The following RYR3 variants were observed in gnomAD, a reference collection of about 807,000 sequenced individuals.
RYR3 encodes ryanodine receptor 3.
A neutral mutation model predicts 584.3 loss-of-function variants in RYR3; 207 were observed. The observed-to-expected ratio is 0.35, with a 90% CI of 0.32 to 0.40. The LOEUF is 0.40. Among genes scored for constraint, RYR3 ranks in the 10% least tolerant of loss-of-function variants. The pLI, the probability that RYR3 is intolerant of heterozygous loss-of-function variation, is 1.00. For synonymous variants in RYR3, 2,416 were observed against 2,248.5 expected, an observed-to-expected ratio of 1.07 and a Z score of -2.11; for missense variants, 5,616 against 6,089.2, an observed-to-expected ratio of 0.92 and a Z score of 2.59.
chr15:33,451,538 C>G (rs1317785273), intron 1 of RYR3, among the ~76,000 whole-genome samples: 1 of 152,040 alleles, frequency 6.6e-6, no homozygotes, highest in Non-Finnish European at 1.5e-5. Flanking sequence ...GTTATGTTAA[C>G]TCCAGAATTA....
At chr15:33,576,657 T>C (rs559704372) in intron 12 of RYR3, among the ~76,000 whole-genome samples, 1 of 152,322 alleles carries the variant, frequency 6.6e-6, no homozygotes, top group South Asian at 2.1e-4. Context: ...ACAGTCAATA[T>C]CATACTGAAT....
rs573654952 is a variant in RYR3, at chr15:33,604,916, A to G, written c.2164+1552A>G. Among the ~76,000 whole-genome samples the G allele has an allele frequency of 8.5e-4, 129 of 152,222 alleles. 1 individual carries two copies. The highest frequency in any genetic ancestry group is 1.1e-3 in the Non-Finnish European group (77 of 68,036). On this transcript the variant is annotated intron_variant, in intron 18 of 103. Transcript: ENST00000634891. ...GAGTGTGGTAGGATTAAGTCTGTGA[A>G]GGAATTAACAAGACTGACTTGTAAA...
intron 93 of RYR3, among the ~76,000 whole-genome samples, chr15:33,846,244 C>T (rs1334043398): frequency 6.6e-6 from 1 of 152,202 alleles, no homozygotes; most frequent in African/African-American, 2.4e-5. Context: ...AGGTCTTAGG[C>T]CCAGAACTGG....
intron 89 of RYR3, 139 bp from the exon 90 acceptor site, chr15:33,840,686 T>G (rs552581956): frequency 2.7e-6 from 2 of 727,698 alleles, no homozygotes; most frequent in Non-Finnish European, 2.4e-6. Context: ...AGGACACTTA[T>G]GTTCAGTGAT....
intron 27 of RYR3, among the ~76,000 whole-genome samples, chr15:33,642,597 G>A (rs1033953362): frequency 8.5e-5 from 13 of 152,128 alleles, no homozygotes; most frequent in African/African-American, 1.7e-4. Context: ...TTCCCAATGC[G>A]GAGCCTAGGA....
chr15:33,352,898 C>T (rs539233538), intron 1 of RYR3, among the ~76,000 whole-genome samples: 38 of 152,262 alleles, frequency 2.5e-4, no homozygotes, highest in South Asian at 2.5e-3. Context: ...CACACGAGGA[C>T]GATGGGGACC....
At chr15:33,814,848 C>T (rs1246691018) in intron 74 of RYR3, among the ~76,000 whole-genome samples, 2 of 144,876 alleles carry the variant, frequency 1.4e-5, no homozygotes, top group East Asian at 4.1e-4. Context: ...TTACAGTGAG[C>T]TGAGATCACG....
chr15:33,629,892 C>T (rs369558026), intron 21 of RYR3, 48 bp from the exon 22 acceptor site: 7 of 1,046,476 alleles, frequency 6.7e-6, no homozygotes, highest in Non-Finnish European at 7.2e-6. Context: ...CCATGCAGTG[C>T]CAGCTGGTCA....
intron 38 of RYR3, among the ~76,000 whole-genome samples, chr15:33,675,154 G>A (rs1354349376): frequency 2.0e-5 from 3 of 152,232 alleles, no homozygotes; most frequent in African/African-American, 7.2e-5. Flanking sequence ...TTATGCCCAT[G>A]TATTTTGTAA....
At chr15:33,761,373 A>G (rs1004995965) in intron 60 of RYR3, among the ~76,000 whole-genome samples, 21 of 152,218 alleles carry the variant, frequency 1.4e-4, no homozygotes, top group Admixed American at 1.4e-3. Flanking sequence ...AAAGAAGAAA[A>G]GAGAGAAGAA....
In RYR3 at chr15:33,603,195, T is replaced by A; in HGVS notation, c.1995T>A (p.Ile665=). ...AQYKKWYFEL[I]IDQVDPFLTA... ...ACAAGAAGTGGTACTTCGAGCTGAT[T>A]ATCGACCAGGTGGACCCCTTCCTAA... is the stretch of plus-strand genomic sequence containing the variant. Residue 665 remains isoleucine, a synonymous_variant, in exon 18 of 104, where the codon ATT becomes ATA. Coordinates refer to ENST00000634891, the MANE Select transcript of RYR3 (RefSeq NM_001036.6). The A allele has an allele frequency of 6.2e-7, 1 of 1,613,918 alleles. No individual in the cohort carries two copies.
At chr15:33,834,096 A>G (rs368306803) in intron 86 of RYR3, among the ~76,000 whole-genome samples, 5 of 152,190 alleles carry the variant, frequency 3.3e-5, no homozygotes, top group African/African-American at 1.2e-4. Context: ...AACCTGGCCA[A>G]TGTGACAAAA....
chr15:33,636,137 C>G (rs1241299022), intron 26 of RYR3, among the ~76,000 whole-genome samples: 1 of 152,132 alleles, frequency 6.6e-6, no homozygotes, highest in Admixed American at 6.5e-5. Flanking sequence ...CCAGTTTTCC[C>G]TAGAGAGAAT....
chr15:33,329,907 A>G (rs182322758), intron 1 of RYR3, among the ~76,000 whole-genome samples: 6 of 152,288 alleles, frequency 3.9e-5, no homozygotes, highest in African/African-American at 1.4e-4. Flanking sequence ...AATACAGGAA[A>G]TGGAGGCAAA....
At chr15:33,414,782 CAG>C (rs2043675369) in intron 1 of RYR3, among the ~76,000 whole-genome samples, 1 of 152,090 alleles carries the variant, frequency 6.6e-6, no homozygotes, top group Non-Finnish European at 1.5e-5. Context: ...TTAGTAGAGA[CAG>C]GGTTTCACCG....
At chr15:33,374,114 T>C (rs1212680638) in intron 1 of RYR3, among the ~76,000 whole-genome samples, 2 of 152,112 alleles carry the variant, frequency 1.3e-5, no homozygotes, top group African/African-American at 4.8e-5. Flanking sequence ...TAAAAAGCAG[T>C]GAATTGCTAA....
chr15:33,801,279 A>G (rs943823900), intron 68 of RYR3, among the ~76,000 whole-genome samples: 1 of 152,172 alleles, frequency 6.6e-6, no homozygotes, highest in East Asian at 1.9e-4. Context: ...AAGACAAAGG[A>G]TTGTCAGACC....
At chr15:33,834,929 T>C in intron 86 of RYR3, 39 bp from the exon 87 acceptor site, 1 of 1,549,056 alleles carries the variant, frequency 6.5e-7, no homozygotes, top group Non-Finnish European at 8.9e-7. Flanking sequence ...GAGCAACTTG[T>C]GATGTTTAAG....
chr15:33,705,101 T>TCTCTCTCTCTCTC (rs1156781766), intron 42 of RYR3, among the ~76,000 whole-genome samples: 4 of 142,102 alleles, frequency 2.8e-5, no homozygotes, highest in African/African-American at 5.4e-5. Flanking sequence ...CACACACTCT[T>TCTCTCTCTCTCTC]TCTCTCTCTC....
Sources: gnomAD v4.1 joint callset for allele counts (sites outside exome capture counted in the v4.1 genomes callset) on GRCh38, gnomAD v4.1.1 for gene constraint, MANE v1.5 for transcripts, NCBI Gene and HGNC (gene_info 2026-07-23, HGNC 2026-07-21) for gene names.